Variants in DLG2 observed in about 807,000 individuals in gnomAD.
DLG2 encodes the protein disks large homolog 2.
In DLG2, 45 loss-of-function variants were observed where a neutral mutation model predicts 132.5. The observed-to-expected ratio is 0.34, with a 90% CI of 0.27 to 0.44. The LOEUF (loss-of-function observed/expected upper bound fraction) is 0.44, where lower values mean the gene tolerates loss of function less well. Among genes scored for constraint, DLG2 ranks in the 20% least tolerant of loss-of-function variants. The pLI, the probability that DLG2 is intolerant of heterozygous loss-of-function variation, is 1.00. For missense variants in DLG2, 1,045 were observed against 1,196.9 expected (o/e 0.87, Z 1.87); for synonymous variants, 424 against 419.6 (o/e 1.01, Z -0.13).
At chr11:83,833,341 G>A (rs935283227) in intron 17 of DLG2, among the ~76,000 whole-genome samples, 3 of 152,142 alleles carry the variant, frequency 2.0e-5, no homozygotes, top group Non-Finnish European at 2.9e-5. Context: ...AGGAGGCTGA[G>A]GCAGGAGAAT....
At chr11:84,771,985 A>G (rs2069492086) in intron 6 of DLG2, among the ~76,000 whole-genome samples, 1 of 152,182 alleles carries the variant, frequency 6.6e-6, no homozygotes, top group Non-Finnish European at 1.5e-5. Context: ...ACACCCAAAA[A>G]TAATATACCA....
chr11:84,385,492 G>A (rs908392925), intron 7 of DLG2, among the ~76,000 whole-genome samples: 1 of 152,130 alleles, frequency 6.6e-6, no homozygotes, highest in South Asian at 2.1e-4. Context: ...ATACTACAAG[G>A]TTATTTTTCT....
intron 3 of DLG2, among the ~76,000 whole-genome samples, chr11:85,343,047 A>C (rs1168244059): frequency 3.3e-5 from 5 of 152,152 alleles, no homozygotes; most frequent in African/African-American, 1.2e-4. Context: ...TTTCATTACT[A>C]TTCTCTACCT....
chr11:83,783,338 G>T (rs2094914188), intron 18 of DLG2, among the ~76,000 whole-genome samples: 2 of 152,138 alleles, frequency 1.3e-5, no homozygotes, highest in African/African-American at 4.8e-5. Context: ...TGCCAAAGAA[G>T]ACATTTATTG....
chr11:83,673,153 T>A (rs1223356948), intron 18 of DLG2, among the ~76,000 whole-genome samples: 1 of 152,210 alleles, frequency 6.6e-6, no homozygotes, highest in Non-Finnish European at 1.5e-5. Flanking sequence ...TGTTTTGGAC[T>A]AAAAACATAT....
At chr11:84,545,832 T>C (rs530573275) in intron 6 of DLG2, 25 of 156,248 alleles carry the variant, frequency 1.6e-4, no homozygotes, top group Middle Eastern at 6.3e-3. Flanking sequence ...CTCTGCTCAC[T>C]GCAACCTCTG....
chr11:85,320,121 C>T (rs2080957572), intron 3 of DLG2, among the ~76,000 whole-genome samples: 2 of 151,832 alleles, frequency 1.3e-5, no homozygotes, highest in South Asian at 4.1e-4. Context: ...TAGACTACAT[C>T]CCTCAGCATC....
intron 19 of DLG2, among the ~76,000 whole-genome samples, chr11:83,562,097 C>A (rs2096621147): frequency 6.6e-6 from 1 of 151,840 alleles, no homozygotes; most frequent in Admixed American, 6.6e-5. Context: ...CCATGTTGGC[C>A]AGGTTGGTGT....
intron 18 of DLG2, among the ~76,000 whole-genome samples, chr11:83,749,603 C>G (rs1026896288): frequency 6.6e-6 from 1 of 152,164 alleles, no homozygotes; most frequent in African/African-American, 2.4e-5. Context: ...CCAGCCTGCA[C>G]CCCAGCTGTA....
intron 7 of DLG2, among the ~76,000 whole-genome samples, chr11:84,326,073 C>A (rs1158817519): frequency 6.6e-6 from 1 of 151,956 alleles, no homozygotes; most frequent in Non-Finnish European, 1.5e-5. Context: ...TTCCATATAA[C>A]CAGTAGTAAC....
At chr11:85,571,604 T>C (rs2077847372) in intron 3 of DLG2, among the ~76,000 whole-genome samples, 1 of 152,208 alleles carries the variant, frequency 6.6e-6, no homozygotes, top group African/African-American at 2.4e-5. Flanking sequence ...TTAGGTTTCT[T>C]GGGCATGTGC....
chr11:84,712,664 A>G (rs1383578843), intron 6 of DLG2, among the ~76,000 whole-genome samples: 2 of 151,992 alleles, frequency 1.3e-5, no homozygotes, highest in South Asian at 2.1e-4. Context: ...GTTTAATAAA[A>G]TAGAAAAAAA....
At chr11:85,466,229 A>G (rs2457419) in intron 3 of DLG2, among the ~76,000 whole-genome samples, 126,969 of 152,102 alleles carry the variant, frequency 0.83, 53,573 homozygotes, top group Non-Finnish European at 0.91. Flanking sequence ...CAGACGAGTA[A>G]ATTGCAAAAA....
chr11:83,661,243 A>G (rs2074188820), intron 18 of DLG2, among the ~76,000 whole-genome samples: 1 of 152,100 alleles, frequency 6.6e-6, no homozygotes, highest in Non-Finnish European at 1.5e-5. Context: ...GAGTTATTCA[A>G]CCTCTCTTGT....
chr11:85,388,593 A>G (rs1332865528), intron 3 of DLG2, among the ~76,000 whole-genome samples: 1 of 152,134 alleles, frequency 6.6e-6, no homozygotes, highest in African/African-American at 2.4e-5. Context: ...TACAGAGAAC[A>G]CTTCACTCCC....
chr11:84,526,074 C>G (rs1320861678), intron 7 of DLG2, among the ~76,000 whole-genome samples: 1 of 151,964 alleles, frequency 6.6e-6, no homozygotes, highest in Admixed American at 6.6e-5. Flanking sequence ...TTGTACGCTC[C>G]AAAAGTATAT....
chr11:85,377,308 T>C (rs528249041), intron 3 of DLG2, among the ~76,000 whole-genome samples: 71 of 152,290 alleles, frequency 4.7e-4, no homozygotes, highest in African/African-American at 1.3e-3. Flanking sequence ...GCATCAAGCA[T>C]ACCAGGTTTT....
At chr11:85,348,289 C>A (rs1225377980) in intron 3 of DLG2, among the ~76,000 whole-genome samples, 1 of 151,582 alleles carries the variant, frequency 6.6e-6, no homozygotes, top group East Asian at 1.9e-4. Context: ...GTGGCACGAT[C>A]TCAGCTCACT....
chr11:83,598,044 T>C (rs530283305), intron 19 of DLG2, among the ~76,000 whole-genome samples: 1 of 152,306 alleles, frequency 6.6e-6, no homozygotes, highest in African/African-American at 2.4e-5. Context: ...ATGCTCCCTA[T>C]TTTAGTCTAC....
Sources: allele counts gnomAD v4.1 joint callset (sites outside exome capture counted in the v4.1 genomes callset), GRCh38; gene constraint gnomAD v4.1.1; transcripts MANE v1.5; gene names NCBI Gene and HGNC (gene_info 2026-07-23, HGNC 2026-07-21).